TMEM233: variants seen among roughly 807,000 people sequenced by gnomAD.
TMEM233 encodes the protein transmembrane protein 233.
TMEM233 carries 6 observed loss-of-function variants against 11.2 expected under a neutral mutation model. That is an observed-to-expected ratio of 0.54 (90% CI 0.29 to 1.06). The LOEUF (loss-of-function observed/expected upper bound fraction) is 1.06, where lower values mean the gene tolerates loss of function less well. Among genes scored for constraint, TMEM233 ranks in the 50% least tolerant of loss-of-function variants. The pLI is 0.08. For missense variants in TMEM233, 127 were observed against 144.7 expected (o/e 0.88, Z 0.63); for synonymous variants, 59 against 55.8 (o/e 1.06, Z -0.26).
chr12:119,645,095 C>G (rs1955134164), downstream of TMEM233, among the ~76,000 whole-genome samples: 1 of 152,076 alleles, frequency 6.6e-6, no homozygotes, highest in African/African-American at 2.4e-5. Flanking sequence ...AGTGCTGAGG[C>G]CAATAGGGCT....
At position 119,595,672 on chromosome 12, in the gene TMEM233, G is replaced by A. The variant is rs559183033; in HGVS notation, c.186+1638G>A. Reference sequence around the variant, plus strand: ...TTCATGACATAAATAATTGTAAAGTGCTTAGAACAGTGACCAGCACGGTAT... The same window carrying A: ...TTCATGACATAAATAATTGTAAAGTACTTAGAACAGTGACCAGCACGGTAT... On this transcript the variant is annotated intron_variant, in intron 1 of 2. Coordinates refer to ENST00000426426, the MANE Select transcript of TMEM233 (RefSeq NM_001136534.3). This position sits in a 1 kb window ranked among gnomAD's most constrained non-coding sequence, Gnocchi z 4.3. 6.6e-6 allele frequency among the ~76,000 whole-genome samples: 1 copy of A among 152,142 alleles called. No individual in the cohort carries two copies. The highest frequency in any genetic ancestry group is 1.9e-4 in the East Asian group (1 of 5,188).
chr12:119,653,902 T>C, the TMEM233 span, among the ~76,000 whole-genome samples: 3 of 151,862 alleles, frequency 2.0e-5, no homozygotes, highest in African/African-American at 7.2e-5. Context: ...TTAAAAAGTT[T>C]GCTTAAGAAA....
chr12:119,637,567 C>A (rs1483857665), intron 2 of TMEM233, among the ~76,000 whole-genome samples: 1 of 152,162 alleles, frequency 6.6e-6, no homozygotes, highest in Non-Finnish European at 1.5e-5. Flanking sequence ...AAGCAAATCC[C>A]TCTTCTTTTC....
Position 119,594,092 on chromosome 12 carries a change from C to T in TMEM233, c.186+58C>T. 6.6e-7 allele frequency: 1 copy of T among 1,518,204 alleles called. No homozygotes were observed. Among genetic ancestry groups the T allele is most frequent in the Admixed American group, 2.0e-5 (1 of 48,950 alleles). The allele number at this position is 1,518,204 out of a possible 1,614,324, so 94.0% of individuals were successfully genotyped here. ...GGAGAGACCCGGGCGGCTTTGAGCC[C>T]CTGCAGGGGAGTCCGCGCGCTCTCT... On this transcript the variant is annotated intron_variant, in intron 1 of 2. Transcript: ENST00000426426. This position sits in a 1 kb window ranked among gnomAD's most constrained non-coding sequence, Gnocchi z 5.6.
downstream of TMEM233, among the ~76,000 whole-genome samples, chr12:119,647,460 T>C (rs562270158): frequency 6.6e-6 from 1 of 152,308 alleles, no homozygotes; most frequent in African/African-American, 2.4e-5. Flanking sequence ...CTTCATTTTT[T>C]TTGTCTTCGG....
chr12:119,638,906 C>A (rs1955024554), intron 2 of TMEM233, among the ~76,000 whole-genome samples: 1 of 151,946 alleles, frequency 6.6e-6, no homozygotes, highest in Admixed American at 6.6e-5. Flanking sequence ...AGACATCCTT[C>A]TTACTATGAC....
chr12:119,649,749 A>G, the TMEM233 span, among the ~76,000 whole-genome samples: 1 of 151,704 alleles, frequency 6.6e-6, no homozygotes, highest in Non-Finnish European at 1.5e-5. Context: ...CAAGGTGGAT[A>G]AGATCATCAA....
At chr12:119,626,603 G>A (rs546973661) in intron 1 of TMEM233, among the ~76,000 whole-genome samples, 21 of 127,476 alleles carry the variant, frequency 1.6e-4, no homozygotes, top group South Asian at 7.7e-4. Context: ...AGAGAAAAAA[G>A]AAAAGAAAAG....
chr12:119,631,868 G>C (rs561950424), intron 2 of TMEM233, among the ~76,000 whole-genome samples: 13 of 152,308 alleles, frequency 8.5e-5, no homozygotes, highest in African/African-American at 2.4e-4. Context: ...AGAATGTGTA[G>C]GTTGGTGTCT....
At chr12:119,648,469 T>G in the TMEM233 span, among the ~76,000 whole-genome samples, 1 of 152,222 alleles carries the variant, frequency 6.6e-6, no homozygotes, top group Non-Finnish European at 1.5e-5. Flanking sequence ...TATCTCAGAT[T>G]AAGTGCCTCT....
In TMEM233 at chr12:119,640,907, G is replaced by A. The variant is rs961144918; in HGVS notation, c.*202G>A. The A allele has an allele frequency of 4.4e-5, 23 of 517,236 alleles. No individual in the cohort carries two copies. Among genetic ancestry groups the A allele is most frequent in the African/African-American group, 9.7e-5 (5 of 51,696 alleles). 32.0% of individuals were successfully genotyped at this position (517,236 alleles called of 1,614,324 possible). On this transcript the variant is annotated 3_prime_UTR_variant, in exon 3 of 3. Coordinates refer to ENST00000426426, the MANE Select transcript of TMEM233 (RefSeq NM_001136534.3). ...TTTAGGCAATCCAAGCTGCACAGCC[G>A]GATCAGCCAAAGTCATTGATTTGTA...
chr12:119,620,026 C>T (rs1310223505), intron 1 of TMEM233, among the ~76,000 whole-genome samples: 2 of 152,176 alleles, frequency 1.3e-5, no homozygotes, highest in Admixed American at 1.3e-4. Context: ...TTTATACATA[C>T]ATTTGTTAAT....
intron 1 of TMEM233, among the ~76,000 whole-genome samples, chr12:119,599,696 G>A (rs1331538686): frequency 6.6e-6 from 1 of 152,138 alleles, no homozygotes; most frequent in East Asian, 1.9e-4. Context: ...TGCCTTTGAT[G>A]TTAGGAATAA....
At chr12:119,619,203 C>T (rs182092448) in intron 1 of TMEM233, among the ~76,000 whole-genome samples, 2 of 152,318 alleles carry the variant, frequency 1.3e-5, no homozygotes, top group East Asian at 3.9e-4. Flanking sequence ...TTGTAAGTTT[C>T]CTGAGGCCTC....
intron 1 of TMEM233, 88 bp from the exon 2 acceptor site, chr12:119,629,648 G>A: frequency 7.3e-7 from 1 of 1,377,070 alleles, no homozygotes; most frequent in Non-Finnish European, 9.7e-7. Context: ...AGAGCTCTTG[G>A]AACCTTTTCA....
chr12:119,637,089 CATG>C (rs1358922998), intron 2 of TMEM233, among the ~76,000 whole-genome samples: 1 of 152,230 alleles, frequency 6.6e-6, no homozygotes, highest in African/African-American at 2.4e-5. Context: ...CATCCGTGCT[CATG>C]ATCATTGAGC....
Position 119,594,616 on chromosome 12 carries a change from C to T in TMEM233, c.186+582C>T, listed in dbSNP as rs1953995536. The T allele has an allele frequency of 6.5e-6, 1 of 153,242 alleles. No individual in the cohort carries two copies. The highest frequency in any genetic ancestry group is 1.5e-5 in the Non-Finnish European group (1 of 68,880). 9.5% of individuals were successfully genotyped at this position (153,242 alleles called of 1,614,324 possible). Reference sequence around the variant, plus strand: ...GTCCCCAGGCGATTCCTGATGCCCCCTCCTTGATCCCGTTTCCGCGCTTTG... The same window carrying T: ...GTCCCCAGGCGATTCCTGATGCCCCTTCCTTGATCCCGTTTCCGCGCTTTG... On this transcript the variant is annotated intron_variant, in intron 1 of 2. Coordinates refer to ENST00000426426, the MANE Select transcript of TMEM233 (RefSeq NM_001136534.3). The surrounding 1 kb of genome is among the most constrained non-coding windows in gnomAD (Gnocchi z 5.6).
At position 119,642,224 on chromosome 12, in the gene TMEM233, A is replaced by C. The variant is rs1955091866; in HGVS notation, c.*1519A>C. ...AATCCCAGCAATTTGAGAGGCTGAG[A>C]TCACTTAAGGTCAGGAGTTTGAGAC... On this transcript the variant is annotated 3_prime_UTR_variant, in exon 3 of 3. Coordinates refer to ENST00000426426, the MANE Select transcript of TMEM233 (RefSeq NM_001136534.3). 6.6e-6 allele frequency: 1 copy of C among 152,082 alleles called. No individual in the cohort carries two copies. Among genetic ancestry groups the C allele is most frequent in the Non-Finnish European group, 1.5e-5 (1 of 68,026 alleles). The allele number at this position is 152,082 out of a possible 1,614,324, so 9.4% of individuals were successfully genotyped here.
chr12:119,635,109 T>C (rs1481932333), intron 2 of TMEM233, among the ~76,000 whole-genome samples: 1 of 152,202 alleles, frequency 6.6e-6, no homozygotes, highest in Non-Finnish European at 1.5e-5. Context: ...AAGGTTTAAA[T>C]ATAGTAGCTG....
Sources: gnomAD v4.1 joint callset for allele counts (sites outside exome capture counted in the v4.1 genomes callset) on GRCh38, gnomAD v4.1.1 for gene constraint, Gnocchi (gnomAD v3.1) non-coding constraint, MANE v1.5 for transcripts, NCBI Gene and HGNC (gene_info 2026-07-23, HGNC 2026-07-21) for gene names.